FZR1: variants seen among roughly 807,000 people sequenced by gnomAD.
The protein encoded by FZR1 is fizzy-related protein homolog.
In FZR1, 11 loss-of-function variants were observed where a neutral mutation model predicts 63.6. That is an observed-to-expected ratio of 0.17 (90% CI 0.11 to 0.29). The LOEUF is 0.29. Among genes scored for constraint, FZR1 ranks in the 10% least tolerant of loss-of-function variants. The probability of loss-of-function intolerance (pLI) is 1.00; values close to 1 mark genes in which losing one functional copy is unlikely to be tolerated. For missense variants in FZR1, 440 were observed against 687.5 expected, an observed-to-expected ratio of 0.64 and a Z score of 4.03; for synonymous variants, 328 against 297.9, an observed-to-expected ratio of 1.10 and a Z score of -1.04.
At chr19:3,534,708 C>A in intron 13 of FZR1, 87 bp from the exon 14 acceptor site, 2 of 1,262,548 alleles carry the variant, frequency 1.6e-6, no homozygotes, top group Non-Finnish European at 2.3e-6. Context: ...CCCCTCAGGA[C>A]CAAGCCCCAA....
chr19:3,508,265 C>T (rs1310339337), intron 1 of FZR1, among the ~76,000 whole-genome samples: 1 of 139,222 alleles, frequency 7.2e-6, no homozygotes, highest in Non-Finnish European at 1.5e-5. Context: ...GGCGCGATCT[C>T]GGCTCACCGC....
chr19:3,525,721 C>T lies in FZR1; in HGVS notation c.70-147C>T, dbSNP rs559133727. 3.9e-5 allele frequency: 35 copies of T among 892,398 alleles called. No homozygotes were observed. The highest frequency in any genetic ancestry group is 6.7e-5 in the African/African-American group (4 of 59,990). The allele number at this position is 892,398 out of a possible 1,614,324, so 55.3% of individuals were successfully genotyped here. A position where few individuals can be genotyped will look rare whatever the true frequency, so the allele number is the denominator to read the frequency against. On this transcript the variant is annotated intron_variant, in intron 2 of 13. Coordinates refer to ENST00000441788, the MANE Select transcript of FZR1 (RefSeq NM_016263.4). This position sits in a 1 kb window ranked among gnomAD's most constrained non-coding sequence, Gnocchi z 4.2. ...CCTCCCAAAGTGCTGGGATTACGGG[C>T]GTGAGCCACCGCGCCTGGCCCACCC...
chr19:3,525,032 G>T lies in FZR1; in HGVS notation c.70-836G>T, dbSNP rs1426070314. Among the ~76,000 whole-genome samples, 1 of 152,140 alleles carries T rather than the reference G, an allele frequency of 6.6e-6. No homozygotes were observed. Among genetic ancestry groups the T allele is most frequent in the Non-Finnish European group, 1.5e-5 (1 of 68,042 alleles). ...ACCCCTCATAGAAAAAAGACGGCGC[G>T]GGGACAGTCAGATGGGGTTGGAGGG... On this transcript the variant is annotated intron_variant, in intron 2 of 13. Transcript: ENST00000441788. This position sits in a 1 kb window ranked among gnomAD's most constrained non-coding sequence, Gnocchi z 4.2.
rs57486013 is a variant in FZR1 at position 3,525,432 on chromosome 19, C to CTTTTTTTTTTTTTTTTT, written c.70-424_70-408dup. Reference sequence around the variant, plus strand: ...TGTGTGGCTCCCCTCCTTGGGTTTTCTTTTTTTTTTTTTTTTTTTTTTTTT... The same window carrying CTTTTTTTTTTTTTTTTT: ...TGTGTGGCTCCCCTCCTTGGGTTTTCTTTTTTTTTTTTTTTTTTTTTTTTTTTTTTTTTTTTTTTTTT... On this transcript the variant is annotated intron_variant, in intron 2 of 13. Coordinates refer to ENST00000441788, the MANE Select transcript of FZR1 (RefSeq NM_016263.4). This position sits in a 1 kb window ranked among gnomAD's most constrained non-coding sequence, Gnocchi z 4.2. Among the ~76,000 whole-genome samples, 2 of 68,740 alleles carry CTTTTTTTTTTTTTTTTT rather than the reference C, an allele frequency of 2.9e-5. No homozygotes were observed. The highest frequency in any genetic ancestry group is 1.2e-4 in the African/African-American group (2 of 16,544). 45.1% of individuals were successfully genotyped at this position (68,740 alleles called of 152,430 possible). A position where few individuals can be genotyped will look rare whatever the true frequency, so the allele number is the denominator to read the frequency against.
intron 1 of FZR1, among the ~76,000 whole-genome samples, chr19:3,511,441 G>A (rs1021812448): frequency 1.3e-5 from 2 of 152,230 alleles, no homozygotes; most frequent in Admixed American, 6.5e-5. Flanking sequence ...AGAGGCTCAC[G>A]CCTGGAATCG....
chr19:3,522,720 G>C (rs74469718), intron 1 of FZR1, among the ~76,000 whole-genome samples: 1 of 152,138 alleles, frequency 6.6e-6, no homozygotes, highest in East Asian at 1.9e-4. Context: ...CCCCTTTCCC[G>C]GGCAGGAGGA....
In FZR1 at chr19:3,534,188, C is replaced by G. The variant is rs2007747; in HGVS notation, c.1348-233C>G. On this transcript the variant is annotated intron_variant, in intron 12 of 13. Coordinates refer to ENST00000441788, the MANE Select transcript of FZR1 (RefSeq NM_016263.4). ...TAAGCCAGGATTGCCCCACTGCACA[C>G]TCCAGCCTGGGTGACAGAGCCAGAC... 9.3e-3 allele frequency: 4,338 copies of G among 468,598 alleles called. 128 individuals carry two copies. Among genetic ancestry groups the G allele is most frequent in the African/African-American group, 0.058 (2,798 of 48,612 alleles). The allele number at this position is 468,598 out of a possible 1,614,324, so 29.0% of individuals were successfully genotyped here.
In FZR1 at chr19:3,535,206, G is replaced by A. The variant is rs2029896423; in HGVS notation, c.*370G>A. 8.9e-6 allele frequency: 3 copies of A among 337,196 alleles called. No individual in the cohort carries two copies. The allele number at this position is 337,196 out of a possible 1,614,324, so 20.9% of individuals were successfully genotyped here. A position where few individuals can be genotyped will look rare whatever the true frequency, so the allele number is the denominator to read the frequency against. On this transcript the variant is annotated 3_prime_UTR_variant, in exon 14 of 14. Transcript: ENST00000441788. ...CCCACCGGAGCCGCATGCTCTTCCTGGAACTGCCCACGTCTGCACAGAACA... is the reference window on the plus strand; with the variant it reads ...CCCACCGGAGCCGCATGCTCTTCCTAGAACTGCCCACGTCTGCACAGAACA...
intron 7 of FZR1, 60 bp from the exon 8 acceptor site, chr19:3,530,732 C>A: frequency 7.9e-7 from 1 of 1,261,390 alleles, no homozygotes. Flanking sequence ...ATGAATGTAC[C>A]CATGGATAGA....
At chr19:3,530,727 T>C (rs376069915) in intron 7 of FZR1, 65 bp from the exon 8 acceptor site, 32 of 1,195,226 alleles carry the variant, frequency 2.7e-5, no homozygotes, top group East Asian at 2.5e-5. Flanking sequence ...GAGGGATGAA[T>C]GTACCCATGG....
At chr19:3,524,871 GGGCTCACCCTAAT>G (rs1185765913) in intron 2 of FZR1, among the ~76,000 whole-genome samples, 4 of 152,122 alleles carry the variant, frequency 2.6e-5, no homozygotes. Context: ...CATCAAATCA[GGGCTCACCCTAAT>G]GGCTTCCTCT....
intron 8 of FZR1, 73 bp from the exon 9 acceptor site, chr19:3,531,641 G>T: frequency 9.4e-7 from 1 of 1,063,142 alleles, no homozygotes; most frequent in South Asian, 1.5e-5. Flanking sequence ...AGCCTGGCGC[G>T]ACCAACGCCA....
Position 3,526,056 on chromosome 19 carries a change from C to G in FZR1, c.195+63C>G, listed in dbSNP as rs2083153856. 6.2e-7 allele frequency: 1 copy of G among 1,611,528 alleles called. No individual in the cohort carries two copies. The highest frequency in any genetic ancestry group is 1.7e-5 in the Admixed American group (1 of 59,992). On this transcript the variant is annotated intron_variant, in intron 3 of 13. Transcript: ENST00000441788. This position sits in a 1 kb window ranked among gnomAD's most constrained non-coding sequence, Gnocchi z 5.4. ...GAAGCCCAGGGCCCCTCCCAGCCTC[C>G]TTGCTCTAGGGCCGGGAACAAGCGG...
chr19:3,508,109 A>C, intron 1 of FZR1, among the ~76,000 whole-genome samples: 1 of 42,330 alleles, frequency 2.4e-5, no homozygotes, highest in East Asian at 4.9e-4. Context: ...TGGTGGGGGT[A>C]GGGGTTGGGG....
At position 3,532,660 on chromosome 19, in the gene FZR1, G is replaced by A. The variant is rs750970852; in HGVS notation, c.1242+10G>A. The stretch of plus-strand genomic sequence containing the variant: ...GCACGCCAACGAGCTGGTGAGCACG[G>A]GCGGCCCGGCCTCCCACCAGGCCTC... On this transcript the variant is annotated intron_variant, in intron 11 of 13. Coordinates refer to ENST00000441788, the MANE Select transcript of FZR1 (RefSeq NM_016263.4). 9 of 1,596,308 alleles carry A rather than the reference G, an allele frequency of 5.6e-6. No homozygotes were observed. In the Admixed American group the frequency reaches 1.5e-4, roughly 27 times the overall value.
At position 3,526,937 on chromosome 19, in the gene FZR1, C is replaced by A; in HGVS notation, c.388-43C>A. On this transcript the variant is annotated intron_variant, in intron 5 of 13. Coordinates refer to ENST00000441788, the MANE Select transcript of FZR1 (RefSeq NM_016263.4). This position sits in a 1 kb window ranked among gnomAD's most constrained non-coding sequence, Gnocchi z 5.4. ...CTGCTGGGGGGCTCTGAGGGTCCTGCGGCCTGGGCGTGCGCTCAGCTGGCA... is the reference window on the plus strand; with the variant it reads ...CTGCTGGGGGGCTCTGAGGGTCCTGAGGCCTGGGCGTGCGCTCAGCTGGCA... 1 of 1,417,874 alleles carries A rather than the reference C, an allele frequency of 7.1e-7. No homozygotes were observed. 87.8% of individuals were successfully genotyped at this position (1,417,874 alleles called of 1,614,324 possible).
At chr19:3,523,925 C>G (rs1210893434) in intron 2 of FZR1, among the ~76,000 whole-genome samples, 1 of 152,240 alleles carries the variant, frequency 6.6e-6, no homozygotes, top group Non-Finnish European at 1.5e-5. Context: ...GAGCCCACCA[C>G]AGCCGCCTTC....
At chr19:3,513,353 G>A (rs949221304) in intron 1 of FZR1, among the ~76,000 whole-genome samples, 1 of 152,190 alleles carries the variant, frequency 6.6e-6, no homozygotes. Context: ...GCAGTGCCTT[G>A]CAGCTTCCCC....
At chr19:3,519,405 A>G (rs1007387712) in intron 1 of FZR1, among the ~76,000 whole-genome samples, 1 of 152,158 alleles carries the variant, frequency 6.6e-6, no homozygotes. Context: ...CATGGAGCCG[A>G]CGGTGGTGGC....
Sources: gnomAD v4.1 joint callset for allele counts (sites outside exome capture counted in the v4.1 genomes callset) on GRCh38, gnomAD v4.1.1 for gene constraint, Gnocchi (gnomAD v3.1) non-coding constraint, MANE v1.5 for transcripts, NCBI Gene and HGNC (gene_info 2026-07-23, HGNC 2026-07-21) for gene names.